Variants in WNT3A observed in about 807,000 individuals in gnomAD.
WNT3A encodes protein Wnt-3a.
A neutral mutation model predicts 37.0 loss-of-function variants in WNT3A; 17 were observed. That is an observed-to-expected ratio of 0.46 (90% CI 0.31 to 0.69). The LOEUF (loss-of-function observed/expected upper bound fraction) is 0.69. WNT3A is among the 30% of genes least tolerant of loss of function. WNT3A has a pLI of 0.05. For missense variants in WNT3A, 411 were observed against 510.2 expected (o/e 0.81, Z 1.87); for synonymous variants, 187 against 211.0 (o/e 0.89, Z 0.99).
At chr1:228,046,639 GC>G (rs2031418155) in intron 2 of WNT3A, among the ~76,000 whole-genome samples, 1 of 151,046 alleles carries the variant, frequency 6.6e-6, no homozygotes, top group African/African-American at 2.4e-5. Flanking sequence ...TGTGTGGTAT[GC>G]CTGCATGGTG....
At chr1:228,033,262 A>G (rs914445613) in intron 2 of WNT3A, among the ~76,000 whole-genome samples, 8 of 152,146 alleles carry the variant, frequency 5.3e-5, no homozygotes, top group Non-Finnish European at 1.0e-4. Context: ...ACCCAAGCTC[A>G]CAAAGATCTA....
At chr1:228,044,450 C>T (rs2031356437) in intron 2 of WNT3A, among the ~76,000 whole-genome samples, 1 of 152,204 alleles carries the variant, frequency 6.6e-6, no homozygotes, top group African/African-American at 2.4e-5. Context: ...TCTGGCTTCT[C>T]CACTCTTCCC....
chr1:228,027,597 C>G (rs1296361168), intron 2 of WNT3A, among the ~76,000 whole-genome samples: 1 of 152,110 alleles, frequency 6.6e-6, no homozygotes, highest in Non-Finnish European at 1.5e-5. Flanking sequence ...CCATTCATGT[C>G]CCTTACCCAC....
intron 1 of WNT3A, among the ~76,000 whole-genome samples, chr1:228,015,699 C>G (rs1305317457): frequency 1.3e-5 from 2 of 151,398 alleles, no homozygotes; most frequent in Non-Finnish European, 2.9e-5. Context: ...AGACCACCAC[C>G]CCCGCCTCCC....
chr1:228,052,487 A>G (rs2031576280), intron 3 of WNT3A, among the ~76,000 whole-genome samples: 2 of 150,412 alleles, frequency 1.3e-5, no homozygotes, highest in South Asian at 4.1e-4. Flanking sequence ...GAACACAAAC[A>G]TTCAGACCAC....
chr1:228,025,752 G>A (rs933124457), intron 2 of WNT3A, among the ~76,000 whole-genome samples: 1 of 151,830 alleles, frequency 6.6e-6, no homozygotes, highest in Non-Finnish European at 1.5e-5. Context: ...TGATGCTATT[G>A]TCAATGGAAT....
chr1:228,036,771 G>C (rs1251564365), intron 2 of WNT3A, among the ~76,000 whole-genome samples: 1 of 152,202 alleles, frequency 6.6e-6, no homozygotes, highest in Non-Finnish European at 1.5e-5. Context: ...GCAAGGTAAA[G>C]CTGGCAAGGA....
rs2031299808 is a variant in WNT3A, at chr1:228,042,177, C to T, written c.314-8479C>T. On this transcript the variant is annotated intron_variant, in intron 2 of 3. Coordinates refer to ENST00000284523, the MANE Select transcript of WNT3A (RefSeq NM_033131.4). This position sits in a 1 kb window ranked among gnomAD's most constrained non-coding sequence, Gnocchi z 5.2. ...TATTTTTAGTAGAGACGGGGTTTCA[C>T]CATGTTGGCCAGGATGGTCTCAATC... 6.6e-6 allele frequency among the ~76,000 whole-genome samples: 1 copy of T among 152,182 alleles called. No individual in the cohort carries two copies. The highest frequency in any genetic ancestry group is 2.4e-5 in the African/African-American group (1 of 41,440).
chr1:228,054,055 G>T (rs1244849787), intron 3 of WNT3A, among the ~76,000 whole-genome samples: 1 of 152,152 alleles, frequency 6.6e-6, no homozygotes, highest in African/African-American at 2.4e-5. Context: ...TGCATTTCCA[G>T]CAGACTCACA....
At chr1:228,016,768 C>G (rs1218399912) in intron 1 of WNT3A, among the ~76,000 whole-genome samples, 1 of 152,096 alleles carries the variant, frequency 6.6e-6, no homozygotes. Context: ...GGAGCTTCCA[C>G]TCATGGTGGA....
Position 228,047,245 on chromosome 1 carries a change from G to C in WNT3A, c.314-3411G>C, listed in dbSNP as rs751653618. 7.2e-5 allele frequency among the ~76,000 whole-genome samples: 11 copies of C among 152,298 alleles called. No homozygotes were observed. In the East Asian group the frequency reaches 1.7e-3, roughly 24 times the overall value. On this transcript the variant is annotated intron_variant, in intron 2 of 3. Coordinates refer to ENST00000284523, the MANE Select transcript of WNT3A (RefSeq NM_033131.4). ...CTTGGACAGGGCCCTAGGGAGGGACGGGGCTGCTGGGACCCGCCATCAGGG... is the reference window on the plus strand; with the variant it reads ...CTTGGACAGGGCCCTAGGGAGGGACCGGGCTGCTGGGACCCGCCATCAGGG...
At chr1:228,035,969 C>T (rs1358001580) in intron 2 of WNT3A, among the ~76,000 whole-genome samples, 1 of 152,234 alleles carries the variant, frequency 6.6e-6, no homozygotes, top group African/African-American at 2.4e-5. Flanking sequence ...CCGGCTCCTC[C>T]CTCCTGCCTG....
chr1:228,007,760 C>T lies in WNT3A; in HGVS notation c.71+561C>T, dbSNP rs1447618852. On this transcript the variant is annotated intron_variant, in intron 1 of 3. Coordinates refer to ENST00000284523, the MANE Select transcript of WNT3A (RefSeq NM_033131.4). The surrounding 1 kb of genome is among the most constrained non-coding windows in gnomAD (Gnocchi z 6.0). ...CGGCGGGGCGCACTGGGGGCCGGCC[C>T]TGGGCCCCGCGCGCCTCCCCGCCGC... is the stretch of plus-strand genomic sequence containing the variant. 6.6e-6 allele frequency among the ~76,000 whole-genome samples: 1 copy of T among 152,012 alleles called. No homozygotes were observed. Among genetic ancestry groups the T allele is most frequent in the Non-Finnish European group, 1.5e-5 (1 of 67,968 alleles).
chr1:228,039,686 G>T lies in WNT3A; in HGVS notation c.314-10970G>T, dbSNP rs544199118. On this transcript the variant is annotated intron_variant, in intron 2 of 3. Coordinates refer to ENST00000284523, the MANE Select transcript of WNT3A (RefSeq NM_033131.4). This position sits in a 1 kb window ranked among gnomAD's most constrained non-coding sequence, Gnocchi z 4.1. ...TAAGATATAGGTGCCCCCCACCCCA[G>T]TTGAACTTGGGTCCCCAGGGCGGCC... 1.7e-4 allele frequency among the ~76,000 whole-genome samples: 26 copies of T among 152,270 alleles called. No individual in the cohort carries two copies. Among genetic ancestry groups the T allele is most frequent in the South Asian group, 8.3e-4 (4 of 4,828 alleles).
intron 2 of WNT3A, among the ~76,000 whole-genome samples, chr1:228,040,380 C>A (rs915165156): frequency 3.9e-5 from 6 of 152,196 alleles, no homozygotes; most frequent in Non-Finnish European, 8.8e-5. Flanking sequence ...TCAGCAGCTA[C>A]CTTCTGAGCA....
intron 1 of WNT3A, among the ~76,000 whole-genome samples, chr1:228,010,148 C>A (rs1246765209): frequency 6.6e-6 from 1 of 152,248 alleles, no homozygotes; most frequent in Admixed American, 6.5e-5. Flanking sequence ...GAAGAGCCCA[C>A]ATGGACAGAG....
intron 3 of WNT3A, among the ~76,000 whole-genome samples, chr1:228,055,216 A>ATG (rs1553311027): frequency 5.6e-4 from 73 of 130,230 alleles, no homozygotes; most frequent in Non-Finnish European, 8.9e-4. Context: ...ATATATATAT[A>ATG]TATACACACA....
chr1:228,009,639 C>T (rs1444600214), intron 1 of WNT3A, among the ~76,000 whole-genome samples: 1 of 152,156 alleles, frequency 6.6e-6, no homozygotes, highest in Non-Finnish European at 1.5e-5. Flanking sequence ...AAGCCGCTGG[C>T]CCCTTGATTC....
Position 228,022,865 on chromosome 1 carries a change from C to T in WNT3A, c.270C>T (p.Thr90=), listed in dbSNP as rs375328733. The T allele has an allele frequency of 2.0e-5, 32 of 1,612,982 alleles. No individual in the cohort carries two copies. The highest frequency in any genetic ancestry group is 1.2e-4 in the Admixed American group (7 of 59,980). The change falls in exon 2 of 4, where the codon ACC becomes ACT. Residue 90 remains threonine, a synonymous_variant. Coordinates refer to ENST00000284523, the MANE Select transcript of WNT3A (RefSeq NM_033131.4). ...GCGGCCGCCGGTGGAACTGCACCAC[C>T]GTCCACGACAGCCTGGCCATCTTCG... is the stretch of plus-strand genomic sequence containing the variant. ...QFRGRRWNCT[T]VHDSLAIFGP...
Sources: allele counts gnomAD v4.1 joint callset (sites outside exome capture counted in the v4.1 genomes callset), GRCh38; gene constraint gnomAD v4.1.1; non-coding constraint Gnocchi (gnomAD v3.1); transcripts MANE v1.5; gene names NCBI Gene and HGNC (gene_info 2026-07-23, HGNC 2026-07-21).